VPS13C: variants seen among roughly 807,000 people sequenced by gnomAD.
VPS13C encodes intermembrane lipid transfer protein VPS13C.
In VPS13C, 358 loss-of-function variants were observed where a neutral mutation model predicts 456.8. That is an observed-to-expected ratio of 0.78 (90% confidence interval 0.72 to 0.86). The LOEUF is 0.86. VPS13C is among the 40% of genes least tolerant of loss of function. VPS13C has a pLI of 0.00. For missense variants in VPS13C, 4,818 were observed against 4,385.4 expected, an observed-to-expected ratio of 1.10 and a Z score of -2.79; for synonymous variants, 1,578 against 1,486.7, an observed-to-expected ratio of 1.06 and a Z score of -1.41.
Position 61,908,993 on chromosome 15 carries a change from T to A in VPS13C, c.8977A>T (p.Ser2993Cys). The A allele has an allele frequency of 6.2e-7, 1 of 1,613,392 alleles. No homozygotes were observed. The highest frequency in any genetic ancestry group is 1.1e-5 in the South Asian group (1 of 90,956). ...CCCATTAACCCTTTTTTCTCATACC[T>A]CTGTTTGTATGTGAGGATGTCCCAT... ...TPWDILTYKQSGSPEEMVLLP... is the reference protein window; with the variant it reads ...TPWDILTYKQCGSPEEMVLLP... Residue 2993 changes from serine (S) to cysteine (C), a missense_variant and splice_region_variant, in exon 65 of 85, where the codon AGT (serine) becomes TGT (cysteine). Transcript: ENST00000644861.
At chr15:62,000,188 C>T (rs1377042279) in intron 16 of VPS13C, among the ~76,000 whole-genome samples, 1 of 152,040 alleles carries the variant, frequency 6.6e-6, no homozygotes, top group African/African-American at 2.4e-5. Context: ...ATGGCAACAA[C>T]CCATCTCTAC....
chr15:61,896,920 GCCT>G (rs905735439), intron 66 of VPS13C, among the ~76,000 whole-genome samples: 15 of 152,250 alleles, frequency 9.9e-5, no homozygotes, highest in African/African-American at 3.6e-4. Context: ...GGGGCAGACT[GCCT>G]CCTCAAGTGG....
At chr15:61,918,395 A>C in intron 58 of VPS13C, 138 bp from the exon 59 acceptor site, 1 of 773,748 alleles carries the variant, frequency 1.3e-6, no homozygotes, top group East Asian at 3.1e-5. Context: ...GCAATTGAAA[A>C]ATTTTAGGGT....
chr15:62,010,336 C>G (rs1021593673), intron 13 of VPS13C, 136 bp downstream of exon 13: 17 of 962,352 alleles, frequency 1.8e-5, no homozygotes, highest in Non-Finnish European at 2.2e-5. Flanking sequence ...TTCTTTAAAA[C>G]AAAAATTTTT....
At chr15:61,987,392 T>C (rs2046088212) in intron 18 of VPS13C, among the ~76,000 whole-genome samples, 1 of 152,086 alleles carries the variant, frequency 6.6e-6, no homozygotes, top group African/African-American at 2.4e-5. Flanking sequence ...GGCCTCACAA[T>C]CATGGCAGAA....
At chr15:61,901,641 G>A (rs2043000260) in intron 66 of VPS13C, among the ~76,000 whole-genome samples, 1 of 152,004 alleles carries the variant, frequency 6.6e-6, no homozygotes, top group African/African-American at 2.4e-5. Flanking sequence ...TGGAGAAATG[G>A]GAACACTTTT....
At chr15:61,884,815 T>C (rs1566968520) in intron 67 of VPS13C, among the ~76,000 whole-genome samples, 2 of 152,266 alleles carry the variant, frequency 1.3e-5, no homozygotes, top group East Asian at 3.9e-4. Flanking sequence ...TTCATACAGA[T>C]AGGTGCTGCC....
chr15:62,051,173 T>C (rs1243394916), intron 1 of VPS13C, among the ~76,000 whole-genome samples: 2 of 152,236 alleles, frequency 1.3e-5, no homozygotes, highest in Admixed American at 6.5e-5. Context: ...AGCTTTCTTA[T>C]GGTGCGTAAC....
Position 61,881,543 on chromosome 15 carries a change from C to T in VPS13C, c.9776+20G>A, listed in dbSNP as rs149473078. The T allele has an allele frequency of 7.3e-4, 1,144 of 1,569,366 alleles. 7 individuals carry two copies. In the African/African-American group the frequency reaches 0.014, roughly 19 times the overall value. ...CTCATTTTAAATTCTTTTAGAGAAA[C>T]AGCAGGAATCTTCACTTACTTGAAC... On this transcript the variant is annotated intron_variant, in intron 71 of 84. Transcript: ENST00000644861.
In VPS13C at chr15:61,917,423, C is replaced by G. The variant is rs772566197; in HGVS notation, c.7973G>C (p.Trp2658Ser). 6.2e-7 allele frequency: 1 copy of G among 1,613,838 alleles called. No homozygotes were observed. The highest frequency in any genetic ancestry group is 1.7e-5 in the Admixed American group (1 of 59,998). ...AAGATGAATAATGTAAGCTACATCC[C>G]AGTCTTCCCCATGTGTACATATGTA... ...LSYICTHGEDWDVAYIIHLYP... is the reference protein window; with the variant it reads ...LSYICTHGEDSDVAYIIHLYP... Residue 2658 changes from tryptophan to serine, a missense_variant, in exon 60 of 85, where the codon TGG becomes TCG. Physicochemically the swap from Trp to Ser is radical, Grantham distance 177. Transcript: ENST00000644861.
chr15:61,926,190 C>T (rs980141919), intron 52 of VPS13C, among the ~76,000 whole-genome samples: 1 of 152,042 alleles, frequency 6.6e-6, no homozygotes, highest in Non-Finnish European at 1.5e-5. Flanking sequence ...CTTGAGGCCA[C>T]GAGTTCAAGA....
intron 13 of VPS13C, 22 bp from the exon 14 acceptor site, chr15:62,008,783 T>A: frequency 7.2e-7 from 1 of 1,391,876 alleles, no homozygotes. Flanking sequence ...AAAATAAAAT[T>A]ATATTTATTA....
Position 62,008,677 on chromosome 15 carries a change from G to T in VPS13C, c.1096C>A (p.Leu366Ile), listed in dbSNP as rs746995841. Reference protein sequence around the residue: ...PYRKYKPYLPLHTNGRRWWKY... With the variant: ...PYRKYKPYLPIHTNGRRWWKY... ...TACCATCGTCGACCATTGGTATGAAGTGGTAAATAAGGCTTGTATTTCCTA... is the reference window on the plus strand; with the variant it reads ...TACCATCGTCGACCATTGGTATGAATTGGTAAATAAGGCTTGTATTTCCTA... Residue 366 changes from leucine (L) to isoleucine (I), a missense_variant, in exon 14 of 85, where the codon CTT becomes ATT. Leu to Ile is a conservative substitution (Grantham distance 5, BLOSUM62 2). Coordinates refer to ENST00000644861, the MANE Select transcript of VPS13C (RefSeq NM_020821.3). 6.2e-7 allele frequency: 1 copy of T among 1,605,502 alleles called. No individual in the cohort carries two copies. The highest frequency in any genetic ancestry group is 1.1e-5 in the South Asian group (1 of 89,412).
At chr15:62,005,786 T>A (rs889035375) in intron 15 of VPS13C, among the ~76,000 whole-genome samples, 1 of 152,038 alleles carries the variant, frequency 6.6e-6, no homozygotes, top group African/African-American at 2.4e-5. Flanking sequence ...CACTGCAACC[T>A]CCAGCTCCCA....
At chr15:61,934,104 T>A (rs2044147506) in intron 49 of VPS13C, 115 bp downstream of exon 49, 1 of 558,444 alleles carries the variant, frequency 1.8e-6, no homozygotes, top group African/African-American at 1.9e-5. Context: ...AAATAGAATT[T>A]TATAGACATA....
rs1488923779 is a variant in VPS13C, at chr15:61,858,693, G to GT, written c.10953-2285dup. Among the ~76,000 whole-genome samples, 2 of 152,142 alleles carry GT rather than the reference G, an allele frequency of 1.3e-5. No individual in the cohort carries two copies. Among genetic ancestry groups the GT allele is most frequent in the Non-Finnish European group, 2.9e-5 (2 of 68,026 alleles). The stretch of plus-strand genomic sequence containing the variant: ...CTAAGTTCATGGACTATAAATCTGC[G>GT]TAAGAGACCAAGAAGTCAGAGATTC... On this transcript the variant is annotated intron_variant, in intron 82 of 84. Transcript: ENST00000644861. This position sits in a 1 kb window ranked among gnomAD's most constrained non-coding sequence, Gnocchi z 4.4.
intron 8 of VPS13C, 121 bp downstream of exon 8, chr15:62,023,290 C>T: frequency 5.5e-6 from 3 of 547,574 alleles, no homozygotes; most frequent in South Asian, 6.9e-5. Flanking sequence ...TGGTAGTGTA[C>T]TCATAAGAAA....
chr15:61,945,748 A>C lies in VPS13C; in HGVS notation c.5115T>G (p.Ile1705Met). 6.2e-7 allele frequency: 1 copy of C among 1,600,802 alleles called. No homozygotes were observed. Among genetic ancestry groups the C allele is most frequent in the Non-Finnish European group, 8.5e-7 (1 of 1,175,970 alleles). Residue 1705 changes from isoleucine (I) to methionine (M), a missense_variant, in exon 45 of 85, where the codon ATT becomes ATG. Transcript: ENST00000644861. ...KLSFKVGCIQ[I>M]VYVHKFFMSL... ...ACATGAAGAATTTATGAACATAAAC[A>C]ATCTGAATACAACCCACTTTAAAAC...
chr15:61,871,194 T>C (rs1895001716), intron 79 of VPS13C, among the ~76,000 whole-genome samples: 1 of 152,170 alleles, frequency 6.6e-6, no homozygotes, highest in African/African-American at 2.4e-5. Context: ...TCATGAAGAT[T>C]GACTCCTATA....
Sources: allele counts gnomAD v4.1 joint callset (sites outside exome capture counted in the v4.1 genomes callset), GRCh38; gene constraint gnomAD v4.1.1; non-coding constraint Gnocchi (gnomAD v3.1); transcripts MANE v1.5; gene names NCBI Gene and HGNC (gene_info 2026-07-23, HGNC 2026-07-21).